Variants in DCC observed in about 807,000 individuals in gnomAD.
DCC encodes netrin receptor DCC.
DCC carries 58 observed loss-of-function variants against 172.5 expected under a neutral mutation model. That is an observed-to-expected ratio of 0.34 (90% CI 0.27 to 0.42). DCC has a LOEUF of 0.42. DCC is among the 10% of genes least tolerant of loss of function. The probability of loss-of-function intolerance (pLI) is 1.00; values close to 1 mark genes in which losing one functional copy is unlikely to be tolerated. For synonymous variants in DCC, 709 were observed against 644.5 expected, an observed-to-expected ratio of 1.10 and a Z score of -1.52; for missense variants, 1,740 against 1,791.0, an observed-to-expected ratio of 0.97 and a Z score of 0.51.
chr18:52,967,909 C>T (rs1054381942), intron 5 of DCC, among the ~76,000 whole-genome samples: 1 of 152,038 alleles, frequency 6.6e-6, no homozygotes, highest in African/African-American at 2.4e-5. Context: ...TAATATATGC[C>T]TATGTAGTTA....
chr18:53,024,380 CTCTAAAATT>C (rs1568252251), intron 5 of DCC, among the ~76,000 whole-genome samples: 2 of 152,230 alleles, frequency 1.3e-5, no homozygotes, highest in East Asian at 3.9e-4. Context: ...CCCTTGCAAT[CTCTAAAATT>C]TCACAGGATC....
At chr18:53,058,674 G>C (rs2042450655) in intron 5 of DCC, among the ~76,000 whole-genome samples, 1 of 152,160 alleles carries the variant, frequency 6.6e-6, no homozygotes, top group Non-Finnish European at 1.5e-5. Context: ...TTGCAGAATA[G>C]TGTAATCATC....
At chr18:52,359,689 T>C (rs1161372209) in intron 1 of DCC, among the ~76,000 whole-genome samples, 1 of 152,208 alleles carries the variant, frequency 6.6e-6, no homozygotes, top group African/African-American at 2.4e-5. Flanking sequence ...GGGGTAGCTA[T>C]ATAATCTTGG....
At chr18:52,575,393 A>G (rs1319870982) in intron 1 of DCC, among the ~76,000 whole-genome samples, 2 of 152,230 alleles carry the variant, frequency 1.3e-5, no homozygotes, top group Non-Finnish European at 1.5e-5. Flanking sequence ...TAGATGGTGT[A>G]GGATATTTAT....
intron 5 of DCC, among the ~76,000 whole-genome samples, chr18:53,017,235 G>A (rs969930025): frequency 2.0e-5 from 3 of 151,832 alleles, no homozygotes; most frequent in Non-Finnish European, 4.4e-5. Context: ...GCCAAAGTTG[G>A]GTGAAGGGTT....
At chr18:52,995,275 A>C (rs2041459939) in intron 5 of DCC, among the ~76,000 whole-genome samples, 1 of 152,106 alleles carries the variant, frequency 6.6e-6, no homozygotes, top group Admixed American at 6.6e-5. Context: ...GGCACGTGTC[A>C]GGCTTCTTCT....
At chr18:52,841,789 AT>A (rs1568138374) in intron 2 of DCC, among the ~76,000 whole-genome samples, 2 of 151,960 alleles carry the variant, frequency 1.3e-5, no homozygotes, top group Non-Finnish European at 2.9e-5. Context: ...TCTGAACAAC[AT>A]TTTTGCCATT....
At chr18:53,268,007 G>A (rs568566626) in intron 12 of DCC, among the ~76,000 whole-genome samples, 16 of 152,192 alleles carry the variant, frequency 1.1e-4, no homozygotes, top group South Asian at 2.1e-4. Context: ...AAATTCCCCC[G>A]TGTGAGCACC....
chr18:52,626,316 C>T (rs912819411), intron 1 of DCC, among the ~76,000 whole-genome samples: 6 of 152,170 alleles, frequency 3.9e-5, no homozygotes, highest in African/African-American at 1.4e-4. Context: ...ACATTCAATT[C>T]ACAAGCATAT....
At chr18:53,215,647 C>T (rs368389216) in intron 12 of DCC, 50 bp downstream of exon 12, 124 of 1,444,184 alleles carry the variant, frequency 8.6e-5, no homozygotes, top group Non-Finnish European at 1.2e-4. Context: ...GATTACCTAT[C>T]ATGTATAACC....
At chr18:52,379,892 A>G (rs1416683085) in intron 1 of DCC, among the ~76,000 whole-genome samples, 4 of 152,152 alleles carry the variant, frequency 2.6e-5, no homozygotes, top group Middle Eastern at 3.2e-3. Context: ...TTGTGCTGCT[A>G]TAACAGTATA....
chr18:52,994,936 A>G (rs2041454446), intron 5 of DCC, among the ~76,000 whole-genome samples: 1 of 152,176 alleles, frequency 6.6e-6, no homozygotes, highest in African/African-American at 2.4e-5. Flanking sequence ...AATAACAAAT[A>G]ATATTCTCAT....
chr18:52,530,907 C>T (rs1283777726), intron 1 of DCC, among the ~76,000 whole-genome samples: 1 of 152,116 alleles, frequency 6.6e-6, no homozygotes, highest in East Asian at 1.9e-4. Context: ...CTTTAGTGAC[C>T]TCAAAATAGC....
chr18:52,736,515 AC>A (rs2036732433), intron 1 of DCC, among the ~76,000 whole-genome samples: 4 of 152,218 alleles, frequency 2.6e-5, no homozygotes, highest in Middle Eastern at 3.4e-3. Flanking sequence ...GAGCGAGGGC[AC>A]ATTTTTCATA....
chr18:52,797,066 C>A (rs761929765), intron 2 of DCC, among the ~76,000 whole-genome samples: 1 of 151,524 alleles, frequency 6.6e-6, no homozygotes, highest in Non-Finnish European at 1.5e-5. Flanking sequence ...AGCCTATTGA[C>A]ACTTGTATTT....
intron 8 of DCC, among the ~76,000 whole-genome samples, chr18:53,177,191 A>C (rs1292482158): frequency 7.3e-6 from 1 of 136,796 alleles, no homozygotes; most frequent in Admixed American, 8.1e-5. Flanking sequence ...GGGTGGGGGG[A>C]GCGGGGGAGG....
rs1420237389 is a variant in DCC, at chr18:52,927,177, G to GTGTATATACGTATATATA, written c.985+1815_985+1816insCGTATATATATGTATATA. 3.5e-5 allele frequency among the ~76,000 whole-genome samples: 4 copies of GTGTATATACGTATATATA among 113,392 alleles called. No individual in the cohort carries two copies. In the South Asian group the frequency reaches 1.0e-3, roughly 29 times the overall value. The allele number at this position is 113,392 out of a possible 152,430, so 74.4% of individuals were successfully genotyped here. ...TATATACGTATATATGTGTATATATGTGTATATATACGTATATATAGGTGT... is the reference window on the plus strand; with the variant it reads ...TATATACGTATATATGTGTATATATGTGTATATACGTATATATATGTATATATACGTATATATAGGTGT... On this transcript the variant is annotated intron_variant, in intron 5 of 28. Transcript: ENST00000442544.
intron 2 of DCC, among the ~76,000 whole-genome samples, chr18:52,847,405 C>CT (rs984223328): frequency 4.6e-5 from 7 of 152,124 alleles, no homozygotes; most frequent in Non-Finnish European, 7.4e-5. Context: ...GATGAGTGTG[C>CT]TTGAACATCA....
At chr18:53,184,249 C>G (rs16956311) in intron 9 of DCC, among the ~76,000 whole-genome samples, 19,650 of 152,010 alleles carry the variant, frequency 0.13, 1,517 homozygotes, top group African/African-American at 0.21. Flanking sequence ...TTATAGATTG[C>G]CTTGTCTAAA....
Sources: allele counts gnomAD v4.1 joint callset (sites outside exome capture counted in the v4.1 genomes callset), GRCh38; gene constraint gnomAD v4.1.1; transcripts MANE v1.5; gene names NCBI Gene and HGNC (gene_info 2026-07-23, HGNC 2026-07-21).